The following RNF212B variants were observed in gnomAD, a reference collection of about 807,000 sequenced individuals.
RNF212B encodes ring finger protein 212B, also known as E3 ubiquitin-protein ligase RNF212B.
In RNF212B, 52 loss-of-function variants were observed where a neutral mutation model predicts 55.5. The ratio of observed to expected loss-of-function variants is 0.94; its 90% CI spans 0.75 to 1.18. The LOEUF (loss-of-function observed/expected upper bound fraction) is 1.18, where lower values mean the gene tolerates loss of function less well. Ranked by LOEUF, RNF212B falls within the 50% of genes most tolerant of loss-of-function variation. The probability of loss-of-function intolerance (pLI) is 0.00; values close to 1 mark genes in which losing one functional copy is unlikely to be tolerated. For missense variants in RNF212B, 289 were observed against 350.4 expected, an observed-to-expected ratio of 0.82 and a Z score of 1.40; for synonymous variants, 99 against 121.4, an observed-to-expected ratio of 0.82 and a Z score of 1.21.
intron 2 of RNF212B, among the ~76,000 whole-genome samples, chr14:23,223,888 T>C (rs1881784473): frequency 6.6e-6 from 1 of 152,174 alleles, no homozygotes; most frequent in Admixed American, 6.6e-5. Context: ...AAAAATCCAG[T>C]AAAGTTGCAG....
intron 2 of RNF212B, among the ~76,000 whole-genome samples, chr14:23,194,960 GA>G (rs1238134145): frequency 1.3e-5 from 2 of 152,026 alleles, no homozygotes; most frequent in African/African-American, 4.8e-5. Context: ...TCAAAGATGT[GA>G]AATCATACAG....
At chr14:23,203,379 A>C (rs909983694) in intron 2 of RNF212B, among the ~76,000 whole-genome samples, 2 of 151,842 alleles carry the variant, frequency 1.3e-5, no homozygotes, top group Admixed American at 1.3e-4. Flanking sequence ...TGCTATAAAC[A>C]TGTGCGTGCA....
chr14:23,202,072 G>A (rs1566392165), intron 2 of RNF212B, among the ~76,000 whole-genome samples: 1 of 151,936 alleles, frequency 6.6e-6, no homozygotes, highest in Non-Finnish European at 1.5e-5. Context: ...CCAACATGGT[G>A]AAACCCTATC....
intron 3 of RNF212B, 41 bp from the exon 4 acceptor site, chr14:23,244,281 A>T: frequency 8.6e-7 from 1 of 1,162,708 alleles, no homozygotes; most frequent in Non-Finnish European, 1.2e-6. Flanking sequence ...TATTTTATTC[A>T]ATTGTGGATA....
intron 2 of RNF212B, among the ~76,000 whole-genome samples, chr14:23,204,880 C>T (rs1402072470): frequency 6.6e-6 from 1 of 151,878 alleles, no homozygotes; most frequent in African/African-American, 2.4e-5. Flanking sequence ...TTGTTTCTGT[C>T]GTCTATGATT....
At chr14:23,225,886 C>G (rs8014241) in intron 2 of RNF212B, among the ~76,000 whole-genome samples, 3 of 151,948 alleles carry the variant, frequency 2.0e-5, no homozygotes, top group South Asian at 4.2e-4. Context: ...GGGATCGATA[C>G]CCTATCTTTC....
intron 4 of RNF212B, among the ~76,000 whole-genome samples, chr14:23,250,691 T>C (rs752722173): frequency 1.3e-5 from 2 of 152,182 alleles, no homozygotes; most frequent in Admixed American, 6.5e-5. Flanking sequence ...TTGCCAAGAT[T>C]GAGGACATGC....
chr14:23,266,299 A>G (rs150498084), intron 11 of RNF212B, among the ~76,000 whole-genome samples: 185 of 147,216 alleles, frequency 1.3e-3, no homozygotes, highest in African/African-American at 4.3e-3. Context: ...TTTTGGACCC[A>G]TTGGTTGTTT....
At chr14:23,272,704 T>C in intron 14 of RNF212B, 119 bp from the exon 15 acceptor site, 1 of 708,476 alleles carries the variant, frequency 1.4e-6, no homozygotes, top group Non-Finnish European at 2.5e-6. Flanking sequence ...AAGAAAACTA[T>C]GGGGAAGCAA....
intron 2 of RNF212B, among the ~76,000 whole-genome samples, chr14:23,229,677 A>G (rs1044229075): frequency 2.6e-5 from 4 of 152,118 alleles, no homozygotes; most frequent in African/African-American, 9.7e-5. Context: ...GGACACTTCT[A>G]TATCTTCTTT....
chr14:23,265,396 C>T (rs1885616057), intron 11 of RNF212B, among the ~76,000 whole-genome samples: 1 of 152,148 alleles, frequency 6.6e-6, no homozygotes, highest in Non-Finnish European at 1.5e-5. Context: ...TATTTTGGGT[C>T]TGCTTACTTA....
chr14:23,200,030 A>AT (rs146757871), intron 2 of RNF212B, among the ~76,000 whole-genome samples: 2,167 of 152,102 alleles, frequency 0.014, 47 homozygotes, highest in African/African-American at 0.049. Flanking sequence ...AAAAAAAAAA[A>AT]TTAGGCAAGA....
intron 4 of RNF212B, among the ~76,000 whole-genome samples, chr14:23,252,096 G>C (rs113591281): frequency 3.4e-4 from 52 of 152,126 alleles, no homozygotes; most frequent in African/African-American, 1.0e-3. Context: ...GGGGTTGGGG[G>C]GCGTGGGAAG....
At chr14:23,235,100 T>A (rs140613416), upstream of RNF212B, among the ~76,000 whole-genome samples, 17 of 152,130 alleles carry the variant, frequency 1.1e-4, no homozygotes, top group East Asian at 3.3e-3. Context: ...TAATCCCAGC[T>A]ACTTGGGAAG....
At chr14:23,219,103 A>G (rs760353487) in intron 2 of RNF212B, among the ~76,000 whole-genome samples, 7 of 152,220 alleles carry the variant, frequency 4.6e-5, no homozygotes, top group Non-Finnish European at 8.8e-5. Flanking sequence ...ATATCCTTCA[A>G]ACATGAAGGA....
At chr14:23,189,834 T>G (rs1342262389) in intron 1 of RNF212B, among the ~76,000 whole-genome samples, 1 of 152,014 alleles carries the variant, frequency 6.6e-6, no homozygotes, top group Non-Finnish European at 1.5e-5. Context: ...TGAACAGAAC[T>G]TCCCTTGATG....
chr14:23,231,976 G>A (rs1033606788), intron 2 of RNF212B, among the ~76,000 whole-genome samples: 8 of 152,204 alleles, frequency 5.3e-5, no homozygotes, highest in African/African-American at 1.4e-4. Context: ...GTGCAGTGGC[G>A]TGATCTTGGC....
At chr14:23,265,010 G>A (rs938581932) in intron 11 of RNF212B, among the ~76,000 whole-genome samples, 2 of 151,972 alleles carry the variant, frequency 1.3e-5, no homozygotes, top group East Asian at 1.9e-4. Context: ...TAGTAGAGAC[G>A]GGGTTTCATC....
At chr14:23,249,575 GTATT>G (rs1884255146) in intron 4 of RNF212B, among the ~76,000 whole-genome samples, 1 of 152,114 alleles carries the variant, frequency 6.6e-6, no homozygotes, top group African/African-American at 2.4e-5. Context: ...AAGAAAAGTT[GTATT>G]TAGTTTGATA....
Sources: gnomAD v4.1 joint callset for allele counts (sites outside exome capture counted in the v4.1 genomes callset) on GRCh38, gnomAD v4.1.1 for gene constraint, MANE v1.5 for transcripts, NCBI Gene and HGNC (gene_info 2026-07-23, HGNC 2026-07-21) for gene names.